The following ENTPD1 variants were observed in gnomAD, a reference collection of about 807,000 sequenced individuals.
ENTPD1 encodes ectonucleoside triphosphate diphosphohydrolase 1.
In ENTPD1, 33 loss-of-function variants were observed where a neutral mutation model predicts 57.0. That is an observed-to-expected ratio of 0.58 (90% CI 0.44 to 0.77). The LOEUF is 0.77. Among genes scored for constraint, ENTPD1 ranks in the 30% least tolerant of loss-of-function variants. ENTPD1 has a pLI of 0.00. For synonymous variants in ENTPD1, 202 were observed against 218.8 expected (o/e 0.92, Z 0.68); for missense variants, 501 against 603.4 (o/e 0.83, Z 1.78).
chr10:95,716,651 C>CT (rs140350116), intron 1 of ENTPD1, among the ~76,000 whole-genome samples: 2,385 of 152,294 alleles, frequency 0.016, 58 homozygotes, highest in African/African-American at 0.055. Context: ...GTCATGTGTG[C>CT]TCCTGCCATG....
intron 1 of ENTPD1, among the ~76,000 whole-genome samples, chr10:95,740,812 C>G (rs1264251071): frequency 6.6e-6 from 1 of 152,220 alleles, no homozygotes; most frequent in East Asian, 1.9e-4. Flanking sequence ...TCTTAAACCT[C>G]ATGAACCAAC....
At chr10:95,766,438 C>A (rs1175217754) in intron 1 of ENTPD1, among the ~76,000 whole-genome samples, 1 of 152,108 alleles carries the variant, frequency 6.6e-6, no homozygotes, top group Non-Finnish European at 1.5e-5. Flanking sequence ...TTCTTAGATT[C>A]TCTAACAGTG....
Position 95,876,595 on chromosome 10 carries a change from C to G in ENTPD1, c.*10212C>G. ...TCTACATGGAGAATACAGGATGAAT[C>G]CACTCTGTCTCCTGCAGTGAAGTCT... On this transcript the variant is annotated 3_prime_UTR_variant, in exon 10 of 10. Coordinates refer to ENST00000371205, the MANE Select transcript of ENTPD1 (RefSeq NM_001776.6). 2.4e-6 allele frequency: 3 copies of G among 1,230,410 alleles called. No individual in the cohort carries two copies. The highest frequency in any genetic ancestry group is 3.0e-6 in the Non-Finnish European group (3 of 987,352). The allele number at this position is 1,230,410 out of a possible 1,614,324, so 76.2% of individuals were successfully genotyped here.
chr10:95,742,684 A>T (rs2098001747), intron 1 of ENTPD1, among the ~76,000 whole-genome samples: 1 of 152,076 alleles, frequency 6.6e-6, no homozygotes, highest in African/African-American at 2.4e-5. Flanking sequence ...GCTTTGCTGG[A>T]TGTGGATACA....
chr10:95,822,531 G>A (rs1451364575), intron 1 of ENTPD1, among the ~76,000 whole-genome samples: 2 of 152,130 alleles, frequency 1.3e-5, no homozygotes, highest in African/African-American at 4.8e-5. Context: ...TGCTGGCCTT[G>A]AGATCCACCT....
At chr10:95,774,362 T>C (rs1415783213) in intron 1 of ENTPD1, among the ~76,000 whole-genome samples, 3 of 152,236 alleles carry the variant, frequency 2.0e-5, no homozygotes, top group Non-Finnish European at 4.4e-5. Flanking sequence ...ATTTTGGCTT[T>C]TGTTGCCATT....
chr10:95,713,647 C>G (rs1190772671), intron 1 of ENTPD1, among the ~76,000 whole-genome samples: 1 of 152,146 alleles, frequency 6.6e-6, no homozygotes, highest in Non-Finnish European at 1.5e-5. Context: ...CTCTTTAACT[C>G]AACAGCACAA....
Position 95,839,798 on chromosome 10 carries a change from C to T in ENTPD1, c.252C>T (p.Cys84=), listed in dbSNP as rs1396685093. ...GCGTGGTGCATCAAGTAGAAGAATGCAGGGTTAAAGGTAAGATGAAGACCA... is the reference window on the plus strand; with the variant it reads ...GCGTGGTGCATCAAGTAGAAGAATGTAGGGTTAAAGGTAAGATGAAGACCA... ...DTGVVHQVEE[C]RVKGPGISKF... The change falls in exon 3 of 10, where the codon TGC becomes TGT. Residue 84 remains cysteine, a synonymous_variant. Transcript: ENST00000371205. 2.5e-6 allele frequency: 4 copies of T among 1,613,646 alleles called. No homozygotes were observed. Among genetic ancestry groups the T allele is most frequent in the Non-Finnish European group, 2.5e-6 (3 of 1,179,924 alleles).
At chr10:95,764,942 G>A (rs187900693) in intron 1 of ENTPD1, among the ~76,000 whole-genome samples, 3 of 151,972 alleles carry the variant, frequency 2.0e-5, no homozygotes, top group African/African-American at 7.2e-5. Context: ...GGCTGGTCTC[G>A]AACTCCTGAC....
chr10:95,826,306 C>T (rs568712627), intron 2 of ENTPD1, among the ~76,000 whole-genome samples: 3 of 152,190 alleles, frequency 2.0e-5, no homozygotes, highest in African/African-American at 7.2e-5. Context: ...AGCACGGTGG[C>T]TCATGCCTGT....
In ENTPD1 at chr10:95,867,850, G is replaced by C. The variant is rs1275594014; in HGVS notation, c.*1467G>C. ...GCCAAATGTCCCCTATCTCTTGAAT[G>C]ATCAAGTCACTTTTGACAACATCCA... On this transcript the variant is annotated 3_prime_UTR_variant, in exon 10 of 10. Coordinates refer to ENST00000371205, the MANE Select transcript of ENTPD1 (RefSeq NM_001776.6). 1.0e-6 allele frequency: 1 copy of C among 985,324 alleles called. No individual in the cohort carries two copies. Among genetic ancestry groups the C allele is most frequent in the African/African-American group, 1.7e-5 (1 of 57,246 alleles). The allele number at this position is 985,324 out of a possible 1,614,324, so 61.0% of individuals were successfully genotyped here. A position where few individuals can be genotyped will look rare whatever the true frequency, so the allele number is the denominator to read the frequency against.
chr10:95,814,434 C>G (rs533312817), intron 1 of ENTPD1, among the ~76,000 whole-genome samples: 1 of 152,212 alleles, frequency 6.6e-6, no homozygotes, highest in East Asian at 1.9e-4. Flanking sequence ...CAGGTATAAC[C>G]AAGTGCAAAC....
intron 1 of ENTPD1, among the ~76,000 whole-genome samples, chr10:95,769,311 A>G (rs542494558): frequency 6.6e-6 from 1 of 152,262 alleles, no homozygotes; most frequent in Admixed American, 6.5e-5. Flanking sequence ...CTTTTTTTGG[A>G]TATCATTTCT....
At chr10:95,743,953 C>A (rs1408772237) in intron 1 of ENTPD1, among the ~76,000 whole-genome samples, 1 of 146,988 alleles carries the variant, frequency 6.8e-6, no homozygotes, top group East Asian at 2.0e-4. Flanking sequence ...TGCTTATAGG[C>A]CCACTCTGCT....
chr10:95,729,937 A>G (rs1374635770), intron 1 of ENTPD1, among the ~76,000 whole-genome samples: 2 of 152,208 alleles, frequency 1.3e-5, no homozygotes, highest in Non-Finnish European at 2.9e-5. Context: ...CCTGATTTGT[A>G]GCAAGTCAGA....
intron 1 of ENTPD1, among the ~76,000 whole-genome samples, chr10:95,777,568 C>G (rs372828785): frequency 8.1e-4 from 124 of 152,332 alleles, no homozygotes; most frequent in African/African-American, 2.7e-3. Flanking sequence ...AGTCAGCTGG[C>G]CCCTACTGGG....
intron 3 of ENTPD1, among the ~76,000 whole-genome samples, chr10:95,841,057 T>G (rs2098421422): frequency 6.6e-6 from 1 of 152,192 alleles, no homozygotes; most frequent in Admixed American, 6.5e-5. Context: ...CTCATTTTAT[T>G]GGCTTTTATT....
At chr10:95,736,020 A>C (rs1464495674) in intron 1 of ENTPD1, among the ~76,000 whole-genome samples, 1 of 58,956 alleles carries the variant, frequency 1.7e-5, no homozygotes, top group Non-Finnish European at 4.0e-5. Context: ...TTTTTTTTTG[A>C]GACAGAGTCT....
At chr10:95,785,710 G>A (rs1411890153) in intron 1 of ENTPD1, among the ~76,000 whole-genome samples, 1 of 152,180 alleles carries the variant, frequency 6.6e-6, no homozygotes, top group Non-Finnish European at 1.5e-5. Context: ...ATAATTAAGA[G>A]CTTAGAATCC....
Sources: gnomAD v4.1 joint callset for allele counts (sites outside exome capture counted in the v4.1 genomes callset) on GRCh38, gnomAD v4.1.1 for gene constraint, MANE v1.5 for transcripts, NCBI Gene and HGNC (gene_info 2026-07-23, HGNC 2026-07-21) for gene names.